Variants in MAP4K4 observed in about 807,000 individuals in gnomAD.
MAP4K4 encodes mitogen-activated protein kinase kinase kinase kinase 4.
In MAP4K4, 38 loss-of-function variants were observed where a neutral mutation model predicts 189.6. The observed-to-expected ratio is 0.20, with a 90% CI of 0.15 to 0.26. The LOEUF (loss-of-function observed/expected upper bound fraction) is 0.26, where lower values mean the gene tolerates loss of function less well. Ranked by LOEUF, MAP4K4 falls within the 10% of genes least tolerant of loss-of-function variation. The pLI, the probability that MAP4K4 is intolerant of heterozygous loss-of-function variation, is 1.00. For missense variants in MAP4K4, 1,054 were observed against 1,726.9 expected, an observed-to-expected ratio of 0.61 and a Z score of 6.91; for synonymous variants, 610 against 624.3, an observed-to-expected ratio of 0.98 and a Z score of 0.34.
At chr2:101,716,433 ACT>A (rs1289720401) in intron 2 of MAP4K4, among the ~76,000 whole-genome samples, 2 of 151,892 alleles carry the variant, frequency 1.3e-5, no homozygotes, top group African/African-American at 4.8e-5. Flanking sequence ...ACAGAGCGAG[ACT>A]CTGTCTCAAA....
rs2149849046 is a variant in MAP4K4 at position 101,860,998 on chromosome 2, C to T, written c.1866+12C>T. The T allele has an allele frequency of 6.3e-7, 1 of 1,583,498 alleles. No individual in the cohort carries two copies. The highest frequency in any genetic ancestry group is 1.2e-5 in the South Asian group (1 of 86,590). ...CAGCGGAGCCACAGGTAGCGACAGC[C>T]AGCTTTGCTGTGGTTGAGGAGACTC... On this transcript the variant is annotated intron_variant, in intron 16 of 32. Coordinates refer to ENST00000324219, the Ensembl canonical transcript of MAP4K4.
At chr2:101,707,916 A>G (rs2043239315) in intron 2 of MAP4K4, among the ~76,000 whole-genome samples, 1 of 148,472 alleles carries the variant, frequency 6.7e-6, no homozygotes, top group African/African-American at 2.5e-5. Context: ...TAGCCAGGAT[A>G]GTCTCTTATC....
chr2:101,859,061 C>G (rs1461210440), exon 14 of MAP4K4: 1 of 1,611,280 alleles, frequency 6.2e-7, no homozygotes, highest in Admixed American at 1.7e-5. Flanking sequence ...AGCAGCTGCT[C>G]CAGGAGCAGG....
intron 2 of MAP4K4, among the ~76,000 whole-genome samples, chr2:101,781,422 C>T (rs1174669622): frequency 1.3e-5 from 2 of 152,090 alleles, no homozygotes; most frequent in African/African-American, 4.8e-5. Flanking sequence ...TTTAAATGAA[C>T]AGGAATTTAT....
intron 3 of MAP4K4, among the ~76,000 whole-genome samples, chr2:101,811,370 C>CAAAAAAAAAAAAAAAAAA (rs71378177): frequency 1.5e-5 from 1 of 68,902 alleles, no homozygotes; most frequent in African/African-American, 5.7e-5. Context: ...GACTGCGTCT[C>CAAAAAAAAAAAAAAAAAA]AAAAAAAAAA....
chr2:101,704,719 C>T (rs1485949797), intron 2 of MAP4K4, among the ~76,000 whole-genome samples: 3 of 151,120 alleles, frequency 2.0e-5, no homozygotes, highest in Non-Finnish European at 4.4e-5. Context: ...GCCACCAAGC[C>T]TGGCTAATTT....
Position 101,877,400 on chromosome 2 carries a change from C to T in MAP4K4, c.3385+254C>T, listed in dbSNP as rs774745232. Among the ~76,000 whole-genome samples, 6 of 152,100 alleles carry T rather than the reference C, an allele frequency of 3.9e-5. No individual in the cohort carries two copies. In the East Asian group the frequency reaches 1.2e-3, roughly 29 times the overall value. On this transcript the variant is annotated intron_variant, in intron 27 of 32. Transcript: ENST00000324219. Reference sequence around the variant, plus strand: ...TTTCTCACTGGCATCTCTCACTGCCCTCTCTGCCCAGTTGCTTGTTAGATT... The same window carrying T: ...TTTCTCACTGGCATCTCTCACTGCCTTCTCTGCCCAGTTGCTTGTTAGATT...
intron 21 of MAP4K4, 128 bp from the exon 22 acceptor site, chr2:101,869,494 A>G: frequency 3.0e-6 from 2 of 671,754 alleles, no homozygotes; most frequent in Non-Finnish European, 5.1e-6. Flanking sequence ...TCACTTTCTC[A>G]TGAAACTGGG....
At chr2:101,771,682 T>C (rs1352812532) in intron 2 of MAP4K4, among the ~76,000 whole-genome samples, 1 of 152,210 alleles carries the variant, frequency 6.6e-6, no homozygotes, top group Non-Finnish European at 1.5e-5. Context: ...ACATGCAGTT[T>C]AGTTGTACAA....
At chr2:101,760,121 C>G (rs953623509) in intron 2 of MAP4K4, among the ~76,000 whole-genome samples, 5 of 151,864 alleles carry the variant, frequency 3.3e-5, no homozygotes, top group African/African-American at 9.6e-5. Context: ...GTTGGGATCA[C>G]AGGCATGAGC....
intron 3 of MAP4K4, among the ~76,000 whole-genome samples, chr2:101,797,889 G>GTGTTTTTTTGTTTTTTTTTTTT (rs1553478618): frequency 1.9e-5 from 1 of 52,304 alleles, no homozygotes; most frequent in African/African-American, 7.6e-5. Context: ...CATTCTTTTA[G>GTGTTTTTTTGTTTTTTTTTTTT]TTTTTTTTTT....
chr2:101,886,386 T>TTGTAGTTCAA (rs80277888), intron 29 of MAP4K4, among the ~76,000 whole-genome samples: 1 of 27,036 alleles, frequency 3.7e-5, no homozygotes, highest in Admixed American at 3.1e-4. Context: ...TTAGAGACCT[T>TTGTAGTTCAA]ATGCTACTAG....
At chr2:101,771,982 G>A (rs577114394) in intron 2 of MAP4K4, among the ~76,000 whole-genome samples, 1 of 152,326 alleles carries the variant, frequency 6.6e-6, no homozygotes, top group South Asian at 2.1e-4. Flanking sequence ...GGGTCAGCAG[G>A]GTTTCTCTGT....
intron 2 of MAP4K4, among the ~76,000 whole-genome samples, chr2:101,734,716 C>G (rs1048408648): frequency 6.6e-6 from 1 of 152,172 alleles, no homozygotes; most frequent in African/African-American, 2.4e-5. Flanking sequence ...TCCTTTTTGC[C>G]TGCCTTCTGT....
At chr2:101,717,916 G>C (rs1397761123) in intron 2 of MAP4K4, among the ~76,000 whole-genome samples, 1 of 151,890 alleles carries the variant, frequency 6.6e-6, no homozygotes, top group Non-Finnish European at 1.5e-5. Flanking sequence ...AGTTGAATTA[G>C]TAAAGAGTGG....
At chr2:101,893,692 C>T (rs1488565843) in exon 33 of MAP4K4, 1 of 153,844 alleles carries the variant, frequency 6.5e-6, no homozygotes, top group Non-Finnish European at 1.4e-5. Flanking sequence ...CTTGAAGCTC[C>T]ATGTCTGTAA....
intron 12 of MAP4K4, among the ~76,000 whole-genome samples, chr2:101,845,986 C>A (rs891858252): frequency 6.6e-6 from 1 of 152,170 alleles, no homozygotes; most frequent in Non-Finnish European, 1.5e-5. Context: ...TGGAATCTTT[C>A]ATTCACTTTG....
At position 101,873,628 on chromosome 2, in the gene MAP4K4, A is replaced by C. The variant is rs780320319; in HGVS notation, c.2953-19A>C. On this transcript the variant is annotated intron_variant, in intron 24 of 32. Coordinates refer to ENST00000324219, the Ensembl canonical transcript of MAP4K4. ...TTAAAATGCCAGTTGTATTAATAAC[A>C]TTGAAATTTACATTGCAGACTCAGT... 3 of 1,321,152 alleles carry C rather than the reference A, an allele frequency of 2.3e-6. No individual in the cohort carries two copies. The highest frequency in any genetic ancestry group is 3.3e-6 in the Non-Finnish European group (3 of 917,920). The allele number at this position is 1,321,152 out of a possible 1,614,324, so 81.8% of individuals were successfully genotyped here. A position where few individuals can be genotyped will look rare whatever the true frequency, so the allele number is the denominator to read the frequency against.
intron 3 of MAP4K4, among the ~76,000 whole-genome samples, chr2:101,820,108 C>G (rs993386209): frequency 6.6e-6 from 1 of 152,068 alleles, no homozygotes. Context: ...AGGTTAGATC[C>G]TAGAAGACAT....
Sources: gnomAD v4.1 joint callset for allele counts (sites outside exome capture counted in the v4.1 genomes callset) on GRCh38, gnomAD v4.1.1 for gene constraint, MANE v1.5 for transcripts, NCBI Gene and HGNC (gene_info 2026-07-23, HGNC 2026-07-21) for gene names.